The following HNF4G variants were observed in gnomAD, a reference collection of about 807,000 sequenced individuals.
HNF4G encodes hepatocyte nuclear factor 4 gamma.
Under a neutral mutation model 50.9 loss-of-function variants are expected in HNF4G, and 21 were observed. That is an observed-to-expected ratio of 0.41 (90% CI 0.29 to 0.59). The LOEUF (loss-of-function observed/expected upper bound fraction) is 0.59, where lower values mean the gene tolerates loss of function less well. Ranked by LOEUF, HNF4G falls within the 20% of genes least tolerant of loss-of-function variation. The probability of loss-of-function intolerance (pLI) is 0.26; values close to 1 mark genes in which losing one functional copy is unlikely to be tolerated. For missense variants in HNF4G, 527 were observed against 559.4 expected (o/e 0.94, Z 0.58); for synonymous variants, 198 against 185.6 (o/e 1.07, Z -0.54).
chr8:75,549,944 A>G (rs1228377715), intron 3 of HNF4G, among the ~76,000 whole-genome samples: 1 of 152,074 alleles, frequency 6.6e-6, no homozygotes, highest in Non-Finnish European at 1.5e-5. Flanking sequence ...TGAACTCATC[A>G]TTTTTTATGG....
chr8:75,488,613 A>G (rs1398081594), intron 1 of HNF4G, among the ~76,000 whole-genome samples: 1 of 152,110 alleles, frequency 6.6e-6, no homozygotes, highest in Non-Finnish European at 1.5e-5. Flanking sequence ...TTAGAACAAT[A>G]CAATCTTTCT....
At chr8:75,541,649 A>G (rs1806626216) in intron 1 of HNF4G, among the ~76,000 whole-genome samples, 1 of 152,132 alleles carries the variant, frequency 6.6e-6, no homozygotes, top group Non-Finnish European at 1.5e-5. Flanking sequence ...TTAGCTATAC[A>G]ATAATCAGTT....
chr8:75,458,584 T>G (rs1283721757), intron 1 of HNF4G, among the ~76,000 whole-genome samples: 1 of 152,124 alleles, frequency 6.6e-6, no homozygotes, highest in East Asian at 1.9e-4. Context: ...AAAATGTTCC[T>G]ACTATCCCCT....
intron 1 of HNF4G, among the ~76,000 whole-genome samples, chr8:75,542,397 A>G (rs897093130): frequency 2.0e-5 from 3 of 152,142 alleles, no homozygotes; most frequent in African/African-American, 7.2e-5. Flanking sequence ...TGTTCAGAGA[A>G]GGTTTCACAC....
intron 2 of HNF4G, among the ~76,000 whole-genome samples, chr8:75,514,484 C>G (rs535127726): frequency 1.6e-4 from 24 of 151,320 alleles, no homozygotes; most frequent in African/African-American, 5.6e-4. Context: ...TCCCAAGTAG[C>G]TGAGACTACA....
At chr8:75,536,771 A>G (rs1806478085), upstream of HNF4G, among the ~76,000 whole-genome samples, 2 of 152,132 alleles carry the variant, frequency 1.3e-5, no homozygotes, top group Non-Finnish European at 2.9e-5. Context: ...TGTTTTGATT[A>G]TGATGCATAA....
chr8:75,561,366 G>T (rs1402466732), intron 9 of HNF4G, among the ~76,000 whole-genome samples: 1 of 152,130 alleles, frequency 6.6e-6, no homozygotes, highest in Non-Finnish European at 1.5e-5. Context: ...TGTTTTATTT[G>T]TATGTCACTT....
chr8:75,444,304 G>A (rs1811367360), intron 1 of HNF4G, among the ~76,000 whole-genome samples: 1 of 151,572 alleles, frequency 6.6e-6, no homozygotes, highest in African/African-American at 2.4e-5. Flanking sequence ...GGAACAACCG[G>A]TACCAGCCGC....
chr8:75,471,232 A>C (rs1011901121), intron 1 of HNF4G, among the ~76,000 whole-genome samples: 1 of 152,202 alleles, frequency 6.6e-6, no homozygotes, highest in Admixed American at 6.5e-5. Context: ...TGAAAATTTG[A>C]ATTATTCTAC....
rs559453689 is a variant in HNF4G at position 75,547,490 on chromosome 8, C to T, written c.288-97C>T. 68 of 888,974 alleles carry T rather than the reference C, an allele frequency of 7.6e-5. No individual in the cohort carries two copies. In the South Asian group the frequency reaches 8.9e-4, roughly 12 times the overall value. The allele number at this position is 888,974 out of a possible 1,614,324, so 55.1% of individuals were successfully genotyped here. On this transcript the variant is annotated intron_variant, in intron 2 of 9. Coordinates refer to ENST00000396423, the MANE Select transcript of HNF4G (RefSeq NM_004133.5). ...TTCCTATACCTTCTTTTTATCGAAC[C>T]GAATTTGACAATACATATTTAAAAT...
chr8:75,562,929 A>G (rs1696651470), intron 9 of HNF4G, among the ~76,000 whole-genome samples: 1 of 152,182 alleles, frequency 6.6e-6, no homozygotes, highest in South Asian at 2.1e-4. Context: ...TAATTGTAAA[A>G]GCAGATTTTG....
At chr8:75,547,454 A>T in intron 2 of HNF4G, 133 bp from the exon 3 acceptor site, 1 of 638,956 alleles carries the variant, frequency 1.6e-6, no homozygotes, top group South Asian at 1.9e-5. Context: ...TGGAAAGGTC[A>T]TAGCTGATTG....
At chr8:75,442,836 A>G (rs1811319201) in intron 1 of HNF4G, among the ~76,000 whole-genome samples, 1 of 152,170 alleles carries the variant, frequency 6.6e-6, no homozygotes, top group Non-Finnish European at 1.5e-5. Context: ...TAAAATGCCT[A>G]TATTCTGTGA....
At chr8:75,542,906 G>C (rs999840268) in intron 1 of HNF4G, among the ~76,000 whole-genome samples, 2 of 152,104 alleles carry the variant, frequency 1.3e-5, no homozygotes, top group Non-Finnish European at 2.9e-5. Flanking sequence ...TGTATTTCAG[G>C]CCAGGCGCAG....
intron 6 of HNF4G, among the ~76,000 whole-genome samples, chr8:75,556,368 A>C (rs1192451613): frequency 6.6e-6 from 1 of 152,204 alleles, no homozygotes; most frequent in Admixed American, 6.5e-5. Flanking sequence ...AATAATTAGT[A>C]AATTATATGG....
intron 1 of HNF4G, among the ~76,000 whole-genome samples, chr8:75,478,919 T>A (rs1269130020): frequency 6.6e-6 from 1 of 152,054 alleles, no homozygotes; most frequent in Non-Finnish European, 1.5e-5. Flanking sequence ...ACGGGGTTTC[T>A]CCATGTTGGT....
At chr8:75,493,672 G>A (rs987408744) in intron 2 of HNF4G, among the ~76,000 whole-genome samples, 3 of 151,812 alleles carry the variant, frequency 2.0e-5, no homozygotes, top group African/African-American at 7.3e-5. Context: ...TTTTACAATA[G>A]TGTTTTAAAA....
intron 1 of HNF4G, among the ~76,000 whole-genome samples, chr8:75,429,366 C>T (rs1179684762): frequency 6.6e-6 from 1 of 152,066 alleles, no homozygotes; most frequent in Non-Finnish European, 1.5e-5. Context: ...CTCTCTTTCT[C>T]TCTTTTTTTT....
At chr8:75,541,265 G>A (rs1806614357) in intron 1 of HNF4G, among the ~76,000 whole-genome samples, 1 of 152,016 alleles carries the variant, frequency 6.6e-6, no homozygotes, top group Admixed American at 6.6e-5. Flanking sequence ...GATTTTGTAT[G>A]GCTATATCCA....
Sources: gnomAD v4.1 joint callset for allele counts (sites outside exome capture counted in the v4.1 genomes callset) on GRCh38, gnomAD v4.1.1 for gene constraint, MANE v1.5 for transcripts, NCBI Gene and HGNC (gene_info 2026-07-23, HGNC 2026-07-21) for gene names.